The following TMEM132C variants were observed in gnomAD, a reference collection of about 807,000 sequenced individuals.
The protein encoded by TMEM132C is transmembrane protein 132C.
TMEM132C carries 29 observed loss-of-function variants against 61.4 expected under a neutral mutation model. The observed-to-expected ratio is 0.47, with a 90% CI of 0.35 to 0.64. The LOEUF is 0.64. Ranked by LOEUF, TMEM132C falls within the 30% of genes least tolerant of loss-of-function variation. The pLI, the probability that TMEM132C is intolerant of heterozygous loss-of-function variation, is 0.00. For synonymous variants in TMEM132C, 656 were observed against 633.1 expected (o/e 1.04, Z -0.54); for missense variants, 1,408 against 1,476.9 (o/e 0.95, Z 0.76).
chr12:128,465,809 G>A (rs1486630011), intron 2 of TMEM132C, among the ~76,000 whole-genome samples: 2 of 152,324 alleles, frequency 1.3e-5, no homozygotes, highest in East Asian at 3.9e-4. Context: ...TAGGCTCTCA[G>A]CTGTGGTTCT....
intron 4 of TMEM132C, among the ~76,000 whole-genome samples, chr12:128,655,284 T>C (rs1954314576): frequency 6.6e-6 from 1 of 152,192 alleles, no homozygotes; most frequent in Non-Finnish European, 1.5e-5. Flanking sequence ...GGGTCTGCAC[T>C]TGGCCTGCTT....
intron 2 of TMEM132C, among the ~76,000 whole-genome samples, chr12:128,518,856 C>T (rs185336683): frequency 7.6e-4 from 115 of 152,132 alleles, no homozygotes; most frequent in Non-Finnish European, 1.2e-3. Context: ...ACTTACTAGC[C>T]GTGCAGGAAC....
intron 2 of TMEM132C, among the ~76,000 whole-genome samples, chr12:128,451,988 T>C (rs975254658): frequency 3.3e-5 from 5 of 152,042 alleles, no homozygotes; most frequent in Non-Finnish European, 5.9e-5. Flanking sequence ...TAAGTATTAT[T>C]TACCAAGTCT....
At chr12:128,345,269 G>A (rs2135957696) in intron 1 of TMEM132C, among the ~76,000 whole-genome samples, 1 of 152,262 alleles carries the variant, frequency 6.6e-6, no homozygotes, top group East Asian at 1.9e-4. Context: ...GTATTCCATG[G>A]TGTATATGTA....
intron 3 of TMEM132C, among the ~76,000 whole-genome samples, chr12:128,571,106 A>G (rs1874863946): frequency 6.6e-6 from 1 of 152,162 alleles, no homozygotes; most frequent in African/African-American, 2.4e-5. Flanking sequence ...TGCTCTAGCT[A>G]CCTTGAAACT....
At chr12:128,491,535 T>C (rs1376281915) in intron 2 of TMEM132C, among the ~76,000 whole-genome samples, 1 of 152,150 alleles carries the variant, frequency 6.6e-6, no homozygotes, top group Non-Finnish European at 1.5e-5. Context: ...CCCAATGGAT[T>C]CCCTGAGAGC....
At chr12:128,487,693 T>G (rs896692676) in intron 2 of TMEM132C, among the ~76,000 whole-genome samples, 17 of 151,678 alleles carry the variant, frequency 1.1e-4, no homozygotes, top group Admixed American at 4.6e-4. Context: ...AAGTGCCCCA[T>G]GTAATCAGTT....
At chr12:128,669,599 A>G in intron 5 of TMEM132C, 39 bp downstream of exon 5, 1 of 1,545,556 alleles carries the variant, frequency 6.5e-7, no homozygotes, top group Non-Finnish European at 8.7e-7. Flanking sequence ...AACCGGTGGG[A>G]ACTTCACTTG....
intron 1 of TMEM132C, among the ~76,000 whole-genome samples, chr12:128,392,737 G>T (rs1874808618): frequency 6.6e-6 from 1 of 151,232 alleles, no homozygotes; most frequent in African/African-American, 2.4e-5. Flanking sequence ...AAGAAGAATT[G>T]TCTTGGGCCA....
rs147988519 is a variant in TMEM132C at position 128,646,624 on chromosome 12, C to T, written c.1306-22793C>T. ...GTGTGTTTACTGGAGTCCATCAGCG[C>T]TGGATGTGAGTGTGTTTAGCTCAGT... is the stretch of plus-strand genomic sequence containing the variant. On this transcript the variant is annotated intron_variant, in intron 4 of 8. Coordinates refer to ENST00000435159, the MANE Select transcript of TMEM132C (RefSeq NM_001136103.3). Among the ~76,000 whole-genome samples, 1,116 of 130,964 alleles carry T rather than the reference C, an allele frequency of 8.5e-3. 14 individuals are homozygous for T. The highest frequency in any genetic ancestry group is 0.031 in the African/African-American group (1,058 of 34,368). The allele number at this position is 130,964 out of a possible 152,430, so 85.9% of individuals were successfully genotyped here.
At chr12:128,328,660 A>G (rs1872592880) in intron 1 of TMEM132C, among the ~76,000 whole-genome samples, 1 of 151,776 alleles carries the variant, frequency 6.6e-6, no homozygotes, top group Non-Finnish European at 1.5e-5. Context: ...GGTGGCAGGC[A>G]CCCATAATCC....
At chr12:128,277,247 A>G (rs1271156054) in intron 1 of TMEM132C, among the ~76,000 whole-genome samples, 1 of 152,260 alleles carries the variant, frequency 6.6e-6, no homozygotes, top group Non-Finnish European at 1.5e-5. Flanking sequence ...GTAACTGCAA[A>G]GTCCAGATAG....
intron 3 of TMEM132C, among the ~76,000 whole-genome samples, chr12:128,572,924 A>C (rs1874946017): frequency 6.6e-6 from 1 of 152,242 alleles, no homozygotes; most frequent in African/African-American, 2.4e-5. Context: ...ACCAGTTAGA[A>C]TGGCGATCAT....
At chr12:128,357,880 A>G (rs1873570209) in intron 1 of TMEM132C, among the ~76,000 whole-genome samples, 1 of 148,940 alleles carries the variant, frequency 6.7e-6, no homozygotes, top group African/African-American at 2.5e-5. Flanking sequence ...TCACACACAC[A>G]TCCCCAACCA....
chr12:128,460,702 GA>G (rs1870503357), intron 2 of TMEM132C, among the ~76,000 whole-genome samples: 1 of 152,186 alleles, frequency 6.6e-6, no homozygotes, highest in African/African-American at 2.4e-5. Flanking sequence ...AGTTTGCAGG[GA>G]GGGGCAGCTG....
At chr12:128,572,751 T>C (rs996798533) in intron 3 of TMEM132C, among the ~76,000 whole-genome samples, 1 of 152,146 alleles carries the variant, frequency 6.6e-6, no homozygotes. Context: ...TGGGCCTGGG[T>C]CACATGCCCA....
At chr12:128,658,506 A>T (rs953335801) in intron 4 of TMEM132C, among the ~76,000 whole-genome samples, 1 of 151,386 alleles carries the variant, frequency 6.6e-6, no homozygotes, top group African/African-American at 2.4e-5. Context: ...AGAGGAAGAC[A>T]TGATCTTTTT....
chr12:128,663,264 C>T lies in TMEM132C; in HGVS notation c.1306-6153C>T, dbSNP rs550225448. 9.2e-5 allele frequency among the ~76,000 whole-genome samples: 14 copies of T among 152,316 alleles called. 1 individual carries two copies. In the South Asian group the frequency reaches 1.4e-3, roughly 16 times the overall value. On this transcript the variant is annotated intron_variant, in intron 4 of 8. Coordinates refer to ENST00000435159, the MANE Select transcript of TMEM132C (RefSeq NM_001136103.3). ...TCACTTCCCTTCCCCATCCCTGCAG[C>T]GCCTGACCACCACTAATGCCGTTCT...
At chr12:128,360,835 C>T (rs193080424) in intron 1 of TMEM132C, among the ~76,000 whole-genome samples, 1 of 152,298 alleles carries the variant, frequency 6.6e-6, no homozygotes, top group East Asian at 1.9e-4. Context: ...CTCCAGGTGC[C>T]CTCTAGCCTA....
Sources: allele counts gnomAD v4.1 joint callset (sites outside exome capture counted in the v4.1 genomes callset), GRCh38; gene constraint gnomAD v4.1.1; transcripts MANE v1.5; gene names NCBI Gene and HGNC (gene_info 2026-07-23, HGNC 2026-07-21).